The following KLF15 variants were observed in gnomAD, a reference collection of about 807,000 sequenced individuals.
KLF15 encodes Krueppel-like factor 15.
A neutral mutation model predicts 24.6 loss-of-function variants in KLF15; 4 were observed. The observed-to-expected ratio is 0.16, with a 90% CI of 0.08 to 0.37. The LOEUF (loss-of-function observed/expected upper bound fraction) is 0.37. Among genes scored for constraint, KLF15 ranks in the 10% least tolerant of loss-of-function variants. The probability of loss-of-function intolerance (pLI) is 1.00; values close to 1 mark genes in which losing one functional copy is unlikely to be tolerated. For missense variants in KLF15, 496 were observed against 560.6 expected (o/e 0.88, Z 1.16); for synonymous variants, 246 against 236.3 (o/e 1.04, Z -0.37).
At chr3:126,318,389 G>C in the KLF15 span, among the ~76,000 whole-genome samples, 45 of 152,276 alleles carry the variant, frequency 3.0e-4, no homozygotes, top group African/African-American at 1.0e-3. Context: ...CTTGACTCCT[G>C]TTATGGTAGC....
At chr3:126,331,612 G>A in the KLF15 span, among the ~76,000 whole-genome samples, 9 of 152,280 alleles carry the variant, frequency 5.9e-5, no homozygotes, top group African/African-American at 1.2e-4. Flanking sequence ...TGGGGGGGAG[G>A]AGCCAAGATG....
chr3:126,323,019 CTT>C, the KLF15 span, among the ~76,000 whole-genome samples: 58 of 132,992 alleles, frequency 4.4e-4, no homozygotes, highest in African/African-American at 1.1e-3. Context: ...CAAGCCTGTT[CTT>C]TTTTTTTTTT....
chr3:126,309,911 G>A, the KLF15 span, among the ~76,000 whole-genome samples: 1 of 152,230 alleles, frequency 6.6e-6, no homozygotes, highest in African/African-American at 2.4e-5. Flanking sequence ...TGAGCAACAA[G>A]GTATACAACG....
the KLF15 span, among the ~76,000 whole-genome samples, chr3:126,294,980 T>A: frequency 6.6e-6 from 1 of 152,068 alleles, no homozygotes; most frequent in Non-Finnish European, 1.5e-5. Context: ...TGTGCATATA[T>A]ACATACGTCT....
At chr3:126,342,007 C>T (rs2082482924), downstream of KLF15, among the ~76,000 whole-genome samples, 1 of 152,144 alleles carries the variant, frequency 6.6e-6, no homozygotes, top group South Asian at 2.1e-4. Flanking sequence ...CCCCAGGCTC[C>T]AGCCAGCACA....
chr3:126,299,457 G>C, the KLF15 span, among the ~76,000 whole-genome samples: 1 of 151,942 alleles, frequency 6.6e-6, no homozygotes, highest in African/African-American at 2.4e-5. Context: ...CTCATAAAAA[G>C]AGGAGATGAC....
At chr3:126,340,224 C>T (rs1394754884), downstream of KLF15, among the ~76,000 whole-genome samples, 2 of 152,268 alleles carry the variant, frequency 1.3e-5, no homozygotes, top group South Asian at 2.1e-4. Context: ...CAGCTGTGCT[C>T]ATGCTGCCCA....
At chr3:126,311,119 T>C in the KLF15 span, among the ~76,000 whole-genome samples, 1 of 152,186 alleles carries the variant, frequency 6.6e-6, no homozygotes. Context: ...ACTGGGCCCC[T>C]GCAGCTCACC....
At chr3:126,336,560 C>A in the KLF15 span, among the ~76,000 whole-genome samples, 7 of 75,162 alleles carry the variant, frequency 9.3e-5, no homozygotes, top group South Asian at 5.0e-4. Context: ...GCAACAAAAG[C>A]CAAAATTGAC....
At chr3:126,348,510 T>C (rs2107554113) in intron 2 of KLF15, among the ~76,000 whole-genome samples, 1 of 152,300 alleles carries the variant, frequency 6.6e-6, no homozygotes, top group African/African-American at 2.4e-5. Flanking sequence ...GCAACCCAGA[T>C]CCTTGCTCAC....
At chr3:126,309,018 G>C in the KLF15 span, among the ~76,000 whole-genome samples, 1 of 152,194 alleles carries the variant, frequency 6.6e-6, no homozygotes, top group African/African-American at 2.4e-5. Context: ...GGCACCATAA[G>C]ACTCACATCC....
chr3:126,292,074 G>A, the KLF15 span, among the ~76,000 whole-genome samples: 5 of 152,166 alleles, frequency 3.3e-5, no homozygotes, highest in African/African-American at 9.7e-5. Flanking sequence ...CAGTCCCCAA[G>A]GCAAGCCCCC....
At chr3:126,316,536 T>TGGGCCGGAGTAGGGGAGGGAGTACAC in the KLF15 span, among the ~76,000 whole-genome samples, 68,669 of 110,820 alleles carry the variant, frequency 0.62, 21,105 homozygotes, top group African/African-American at 0.74. Context: ...AGGGAGTACA[T>TGGGCCGGAGTAGGGGAGGGAGTACAC]GGGCCGGAGT....
At chr3:126,316,454 G>T in the KLF15 span, among the ~76,000 whole-genome samples, 838 of 25,004 alleles carry the variant, frequency 0.034, 6 homozygotes, top group Middle Eastern at 0.087. Context: ...GGGGAAGGGA[G>T]TCTATGGGCC....
chr3:126,289,743 G>T, the KLF15 span, among the ~76,000 whole-genome samples: 1 of 152,086 alleles, frequency 6.6e-6, no homozygotes, highest in Admixed American at 6.6e-5. Context: ...TTATCATTCC[G>T]TTTGTGACTG....
At chr3:126,337,800 C>G (rs1169908825), downstream of KLF15, among the ~76,000 whole-genome samples, 1 of 152,232 alleles carries the variant, frequency 6.6e-6, no homozygotes, top group East Asian at 1.9e-4. Context: ...GAGGAAGGTA[C>G]TATTATTATC....
In KLF15 at chr3:126,356,178, C is replaced by T. The variant is rs1271057135; in HGVS notation, c.-26+1059G>A. Among the ~76,000 whole-genome samples, 3 of 152,076 alleles carry T rather than the reference C, an allele frequency of 2.0e-5. No homozygotes were observed. Among genetic ancestry groups the T allele is most frequent in the Non-Finnish European group, 4.4e-5 (3 of 68,006 alleles). On this transcript the variant is annotated intron_variant, in intron 1 of 2. Coordinates refer to ENST00000296233, the MANE Select transcript of KLF15 (RefSeq NM_014079.4). The surrounding 1 kb of genome is among the most constrained non-coding windows in gnomAD (Gnocchi z 4.4). ...TCACGGGGGTGGCGGCGGGGGCTGT[C>T]CTTCAAAATAAGAGTCTCCGGTCCC...
chr3:126,290,408 G>A, the KLF15 span, among the ~76,000 whole-genome samples: 1 of 152,096 alleles, frequency 6.6e-6, no homozygotes, highest in Non-Finnish European at 1.5e-5. Flanking sequence ...TCCCTGATTG[G>A]CCCACCAGCA....
the KLF15 span, among the ~76,000 whole-genome samples, chr3:126,318,516 A>C: frequency 6.6e-6 from 1 of 152,150 alleles, no homozygotes; most frequent in Non-Finnish European, 1.5e-5. Flanking sequence ...GGGAAGGGTG[A>C]TGTATCTGTG....
Sources: allele counts gnomAD v4.1 joint callset (sites outside exome capture counted in the v4.1 genomes callset), GRCh38; gene constraint gnomAD v4.1.1; non-coding constraint Gnocchi (gnomAD v3.1); transcripts MANE v1.5; gene names NCBI Gene and HGNC (gene_info 2026-07-23, HGNC 2026-07-21).